The following ESF1 variants were observed in gnomAD, a reference collection of about 807,000 sequenced individuals.
ESF1 encodes the protein ESF1 homolog.
A neutral mutation model predicts 92.0 loss-of-function variants in ESF1; 58 were observed. The ratio of observed to expected loss-of-function variants is 0.63; its 90% CI spans 0.51 to 0.78. The LOEUF (loss-of-function observed/expected upper bound fraction) is 0.78, where lower values mean the gene tolerates loss of function less well. Ranked by LOEUF, ESF1 falls within the 30% of genes least tolerant of loss-of-function variation. The pLI is 0.00. For missense variants in ESF1, 922 were observed against 989.1 expected, an observed-to-expected ratio of 0.93 and a Z score of 0.91; for synonymous variants, 321 against 313.7, an observed-to-expected ratio of 1.02 and a Z score of -0.24.
At chr20:13,741,934 A>G (rs1485517337) in intron 9 of ESF1, among the ~76,000 whole-genome samples, 1 of 152,236 alleles carries the variant, frequency 6.6e-6, no homozygotes, top group Non-Finnish European at 1.5e-5. Context: ...CACAAACAGT[A>G]CAACAGAAAA....
At chr20:13,747,558 C>T (rs111798127) in intron 9 of ESF1, among the ~76,000 whole-genome samples, 1 of 148,436 alleles carries the variant, frequency 6.7e-6, no homozygotes, top group African/African-American at 2.5e-5. Flanking sequence ...GGCACCACTG[C>T]ACTGCAGCCT....
At chr20:13,773,457 T>C (rs1241217108) in intron 4 of ESF1, among the ~76,000 whole-genome samples, 1 of 152,132 alleles carries the variant, frequency 6.6e-6, no homozygotes, top group Non-Finnish European at 1.5e-5. Context: ...GGTTTTTAAA[T>C]TGTTTCTTTG....
At position 13,782,809 on chromosome 20, in the gene ESF1, A is replaced by G. The variant is rs1980267605; in HGVS notation, c.332T>C (p.Val111Ala). Reference sequence around the variant, plus strand: ...CTTCTTGGTTTCTTTCTTTTTCTCAACTAGATTTTTTGAATCGATTTCTTT... The same window carrying G: ...CTTCTTGGTTTCTTTCTTTTTCTCAGCTAGATTTTTTGAATCGATTTCTTT... ...TKKEIDSKNL[V>A]EKKKETKKAN... The change falls in exon 2 of 14, where the codon GTT (valine) becomes GCT (alanine). Residue 111 changes from valine (V) to alanine (A), a missense_variant. Coordinates refer to ENST00000617257, the MANE Select transcript of ESF1 (RefSeq NM_001276380.2). The G allele has an allele frequency of 6.2e-7, 1 of 1,604,006 alleles. No homozygotes were observed.
chr20:13,737,248 C>T (rs1370703191), intron 9 of ESF1, among the ~76,000 whole-genome samples: 1 of 152,186 alleles, frequency 6.6e-6, no homozygotes, highest in Non-Finnish European at 1.5e-5. Flanking sequence ...GCAAAAACAT[C>T]TTTCACAGCC....
At chr20:13,724,061 G>A (rs1162003276) in intron 11 of ESF1, among the ~76,000 whole-genome samples, 2 of 152,160 alleles carry the variant, frequency 1.3e-5, no homozygotes, top group South Asian at 2.1e-4. Context: ...CTGGGAGGCC[G>A]AGGCGCGCGG....
chr20:13,728,506 A>G (rs1240232899), intron 10 of ESF1, 41 bp from the exon 11 acceptor site: 2 of 1,375,296 alleles, frequency 1.5e-6, no homozygotes, highest in African/African-American at 1.5e-5. Flanking sequence ...TCATTATTAC[A>G]AGAATTATAA....
intron 11 of ESF1, among the ~76,000 whole-genome samples, chr20:13,719,827 A>G (rs1344825600): frequency 6.6e-6 from 1 of 152,208 alleles, no homozygotes; most frequent in Non-Finnish European, 1.5e-5. Context: ...TCTCATCTGC[A>G]AAATGAAAAA....
At chr20:13,717,252 A>G in intron 13 of ESF1, 116 bp downstream of exon 13, 2 of 1,258,166 alleles carry the variant, frequency 1.6e-6, no homozygotes, top group Non-Finnish European at 2.2e-6. Context: ...GAGCCACTGC[A>G]CCGGGCCCCT....
At chr20:13,750,610 A>G (rs1978588749) in intron 9 of ESF1, among the ~76,000 whole-genome samples, 1 of 152,260 alleles carries the variant, frequency 6.6e-6, no homozygotes, top group Non-Finnish European at 1.5e-5. Flanking sequence ...TTTTGTGTAT[A>G]ATTTTATCAG....
intron 10 of ESF1, among the ~76,000 whole-genome samples, chr20:13,728,850 G>A (rs942525649): frequency 6.7e-6 from 1 of 150,056 alleles, no homozygotes; most frequent in Non-Finnish European, 1.5e-5. Context: ...CTGAGCAACA[G>A]AGCGAGACTC....
At position 13,760,725 on chromosome 20, in the gene ESF1, C is replaced by A. The variant is rs987584794; in HGVS notation, c.1667-872G>T. ...GGGAGGGAGGCGGGGGGTCAGCCCC[C>A]ACCGGCCAGCCGCCCCGTCCGGGAG... is the stretch of plus-strand genomic sequence containing the variant. On this transcript the variant is annotated intron_variant, in intron 8 of 13. Coordinates refer to ENST00000617257, the MANE Select transcript of ESF1 (RefSeq NM_001276380.2). 2.3e-4 allele frequency among the ~76,000 whole-genome samples: 34 copies of A among 150,998 alleles called. 1 individual carries two copies. The highest frequency in any genetic ancestry group is 3.6e-3 in the Middle Eastern group (1 of 278).
At chr20:13,722,333 T>C (rs1220780471) in intron 11 of ESF1, among the ~76,000 whole-genome samples, 1 of 152,228 alleles carries the variant, frequency 6.6e-6, no homozygotes, top group Non-Finnish European at 1.5e-5. Context: ...TACTATGATG[T>C]TAGACTGAAT....
intron 9 of ESF1, among the ~76,000 whole-genome samples, chr20:13,746,344 CT>C (rs1420780891): frequency 6.6e-6 from 1 of 152,050 alleles, no homozygotes; most frequent in Non-Finnish European, 1.5e-5. Context: ...TAATCTATGA[CT>C]TTTTCCCCAC....
chr20:13,782,977 T>G lies in ESF1; in HGVS notation c.164A>C (p.Lys55Thr). The part of the protein sequence containing the change: ...KKFKLNYAVD[K>T]RGRPISHSTT... Reference sequence around the variant, plus strand: ...GCTATGGCTAATGGGGCGCCCTCTTTTATCCACGGCATAGTTCAACTTGAA... The same window carrying G: ...GCTATGGCTAATGGGGCGCCCTCTTGTATCCACGGCATAGTTCAACTTGAA... Residue 55 changes from lysine (K) to threonine (T), a missense_variant, in exon 2 of 14, where the codon AAA becomes ACA. By Grantham distance (78) the Lys-to-Thr change is moderately conservative. Coordinates refer to ENST00000617257, the MANE Select transcript of ESF1 (RefSeq NM_001276380.2). 1 of 1,614,180 alleles carries G rather than the reference T, an allele frequency of 6.2e-7. No individual in the cohort carries two copies. Among genetic ancestry groups the G allele is most frequent in the Non-Finnish European group, 8.5e-7 (1 of 1,180,038 alleles).
At chr20:13,784,666 G>C (rs532364244) in intron 1 of ESF1, among the ~76,000 whole-genome samples, 47 of 152,268 alleles carry the variant, frequency 3.1e-4, no homozygotes, top group Non-Finnish European at 5.7e-4. Context: ...TGTACCGCAG[G>C]GGGGCAGCTA....
At chr20:13,770,352 C>T (rs1214147020) in intron 6 of ESF1, among the ~76,000 whole-genome samples, 1 of 152,196 alleles carries the variant, frequency 6.6e-6, no homozygotes, top group Non-Finnish European at 1.5e-5. Context: ...TCTGATAGTG[C>T]AGTCATTGAC....
chr20:13,736,644 T>C (rs1410800615), intron 9 of ESF1, among the ~76,000 whole-genome samples: 2 of 152,192 alleles, frequency 1.3e-5, no homozygotes, highest in East Asian at 1.9e-4. Flanking sequence ...GTTTGGAACA[T>C]ATTCTCTCTA....
At chr20:13,753,459 T>A in intron 9 of ESF1, among the ~76,000 whole-genome samples, 1 of 150,156 alleles carries the variant, frequency 6.7e-6, no homozygotes. Flanking sequence ...ACTACACTCT[T>A]CCTTATTGTA....
In ESF1 at chr20:13,776,108, C is replaced by T. The variant is rs758965325; in HGVS notation, c.800G>A (p.Gly267Asp). The T allele has an allele frequency of 6.2e-7, 1 of 1,613,846 alleles. No homozygotes were observed. The highest frequency in any genetic ancestry group is 1.3e-5 in the African/African-American group (1 of 74,906). The change falls in exon 3 of 14, where the codon GGT (glycine) becomes GAT (aspartate). Residue 267 changes from glycine (G) to aspartate (D), a missense_variant. Physicochemically the swap from Gly to Asp is moderately conservative, Grantham distance 94 (BLOSUM62 -1). Coordinates refer to ENST00000617257, the MANE Select transcript of ESF1 (RefSeq NM_001276380.2). ...NEITSVGRAS[G>D]DDDGSEDDEE... The stretch of plus-strand genomic sequence containing the variant: ...ATCATCTTCACTTCCATCGTCATCA[C>T]CTGAAGCTCTACCAACACTTGTAAT...
Sources: gnomAD v4.1 joint callset for allele counts (sites outside exome capture counted in the v4.1 genomes callset) on GRCh38, gnomAD v4.1.1 for gene constraint, MANE v1.5 for transcripts, NCBI Gene and HGNC (gene_info 2026-07-23, HGNC 2026-07-21) for gene names.